PCDHA6: variants seen among roughly 807,000 people sequenced by gnomAD.
PCDHA6 encodes protocadherin alpha 6.
In PCDHA6, 55 loss-of-function variants were observed where a neutral mutation model predicts 60.3. That is an observed-to-expected ratio of 0.91 (90% CI 0.73 to 1.14). The LOEUF (loss-of-function observed/expected upper bound fraction) is 1.14. Among genes scored for constraint, PCDHA6 ranks in the 50% most tolerant of loss-of-function variants. The pLI is 0.00. For missense variants in PCDHA6, 1,327 were observed against 1,256.5 expected, an observed-to-expected ratio of 1.06 and a Z score of -0.85; for synonymous variants, 652 against 557.9, an observed-to-expected ratio of 1.17 and a Z score of -2.38.
Position 140,839,560 on chromosome 5 carries a change from T to C in PCDHA6, c.2394+9075T>C, listed in dbSNP as rs1438393943. On this transcript the variant is annotated intron_variant, in intron 1 of 3. Transcript: ENST00000529310. ...ACACACCACCATGCCCAACTAATTT[T>C]TGTATTTTTTGTAGAGATGGGGTCT... Among the ~76,000 whole-genome samples the C allele has an allele frequency of 2.0e-5, 3 of 151,986 alleles. No individual in the cohort carries two copies. In the East Asian group the frequency reaches 5.8e-4, roughly 29 times the overall value.
chr5:140,972,987 T>C (rs2096567014), intron 1 of PCDHA6, among the ~76,000 whole-genome samples: 1 of 152,044 alleles, frequency 6.6e-6, no homozygotes, highest in Admixed American at 6.6e-5. Flanking sequence ...TAAGGTAGAT[T>C]CTGTGCATTT....
chr5:140,838,087 T>TA (rs1775519591), intron 1 of PCDHA6, among the ~76,000 whole-genome samples: 48 of 97,638 alleles, frequency 4.9e-4, no homozygotes, highest in South Asian at 9.2e-4. Flanking sequence ...AGTGTGTGTG[T>TA]GTGTGTGTGT....
intron 1 of PCDHA6, among the ~76,000 whole-genome samples, chr5:140,937,875 G>GCATGGCGCCCAGGCGC (rs1467494060): frequency 1.3e-5 from 2 of 150,442 alleles, no homozygotes; most frequent in African/African-American, 4.9e-5. Context: ...TCGCGCCACT[G>GCATGGCGCCCAGGCGC]CACTCCAGCC....
chr5:140,998,708 G>A (rs2153953637), intron 3 of PCDHA6, among the ~76,000 whole-genome samples: 1 of 152,142 alleles, frequency 6.6e-6, no homozygotes, highest in South Asian at 2.1e-4. Context: ...GGGATTACAA[G>A]CTTGCACCAC....
intron 1 of PCDHA6, among the ~76,000 whole-genome samples, chr5:140,903,723 A>G (rs1361598477): frequency 6.6e-6 from 1 of 152,210 alleles, no homozygotes; most frequent in Non-Finnish European, 1.5e-5. Flanking sequence ...AATTCTCCCT[A>G]TTATCAATTA....
chr5:141,009,953 A>G lies in PCDHA6; in HGVS notation c.*16A>G, dbSNP rs782663496. 3 of 1,592,888 alleles carry G rather than the reference A, an allele frequency of 1.9e-6. No homozygotes were observed. Among genetic ancestry groups the G allele is most frequent in the Non-Finnish European group, 2.6e-6 (3 of 1,172,546 alleles). On this transcript the variant is annotated 3_prime_UTR_variant, in exon 4 of 4. Transcript: ENST00000529310. ...TGACCAGTGAGGTCCTCAAATGGAA[A>G]CAAGCCACTTAGCCAGTTTTTGTAA...
chr5:140,884,113 G>T (rs782579609), intron 1 of PCDHA6: 15 of 1,613,390 alleles, frequency 9.3e-6, no homozygotes, highest in Admixed American at 3.3e-5. Context: ...AGCTGGCGGC[G>T]GTCGGCGCGC....
chr5:140,856,116 G>A, intron 1 of PCDHA6: 2 of 1,598,152 alleles, frequency 1.3e-6, no homozygotes, highest in African/African-American at 2.7e-5. Context: ...CTCGCAGCCT[G>A]GGAGGTGGGG....
chr5:140,955,701 A>G (rs1381358710), intron 1 of PCDHA6, among the ~76,000 whole-genome samples: 1 of 152,150 alleles, frequency 6.6e-6, no homozygotes, highest in Non-Finnish European at 1.5e-5. Context: ...ATGTCAATGG[A>G]AGTTTAATAG....
intron 3 of PCDHA6, among the ~76,000 whole-genome samples, chr5:140,984,056 G>A (rs569184437): frequency 6.6e-6 from 1 of 152,318 alleles, no homozygotes; most frequent in African/African-American, 2.4e-5. Context: ...TGACAAATCT[G>A]TACCCTCAGT....
chr5:140,877,902 C>T (rs2153356896), intron 1 of PCDHA6: 1 of 1,438,302 alleles, frequency 7.0e-7, no homozygotes, highest in Middle Eastern at 2.3e-4. Flanking sequence ...TAGGTTATAA[C>T]TACATTCTCT....
chr5:140,940,774 G>T (rs1554213602), intron 1 of PCDHA6, among the ~76,000 whole-genome samples: 4 of 151,994 alleles, frequency 2.6e-5, no homozygotes, highest in African/African-American at 7.3e-5. Context: ...GACTTTTGAT[G>T]GTCCATATCC....
rs1554131837 is a variant in PCDHA6 at position 140,829,251 on chromosome 5, G to A, written c.1160G>A (p.Cys387Tyr). 6.2e-7 allele frequency: 1 copy of A among 1,614,150 alleles called. No individual in the cohort carries two copies. Among genetic ancestry groups the A allele is most frequent in the East Asian group, 2.2e-5 (1 of 44,896 alleles). The change falls in exon 1 of 4, where the codon TGC (cysteine) becomes TAC (tyrosine). Residue 387 changes from cysteine to tyrosine, a missense_variant. Physicochemically the swap from Cys to Tyr is radical, Grantham distance 194. Transcript: ENST00000529310. The part of the protein sequence containing the change: ...LDSGANGQVN[C>Y]SLTPHVPFKL... ...TCAGGTGCCAACGGGCAGGTGAACTGCTCGCTGACGCCTCACGTCCCTTTC... is the reference window on the plus strand; with the variant it reads ...TCAGGTGCCAACGGGCAGGTGAACTACTCGCTGACGCCTCACGTCCCTTTC...
intron 1 of PCDHA6, among the ~76,000 whole-genome samples, chr5:140,908,256 A>T (rs192899359): frequency 6.6e-6 from 1 of 152,130 alleles, no homozygotes; most frequent in Non-Finnish European, 1.5e-5. Context: ...AACTGATCAT[A>T]GGGAACTCCC....
chr5:140,877,074 G>A (rs1554169286), intron 1 of PCDHA6: 1 of 1,613,132 alleles, frequency 6.2e-7, no homozygotes, highest in Non-Finnish European at 8.5e-7. Flanking sequence ...TGCAGTTCCA[G>A]GTGAGCGCGC....
At position 140,869,273 on chromosome 5, in the gene PCDHA6, C is replaced by A. The variant is rs782135758; in HGVS notation, c.2394+38788C>A. 1.9e-6 allele frequency: 3 copies of A among 1,613,438 alleles called. No homozygotes were observed. Among genetic ancestry groups the A allele is most frequent in the African/African-American group, 2.7e-5 (2 of 74,920 alleles). On this transcript the variant is annotated intron_variant, in intron 1 of 3. Transcript: ENST00000529310. ...GCGCAGGACCTGGGGCTGGAGCTGG[C>A]GGAGCTGGTGCAGCGCCTGTTCCGG...
intron 3 of PCDHA6, among the ~76,000 whole-genome samples, chr5:140,998,253 T>C (rs1245576621): frequency 6.6e-6 from 1 of 152,232 alleles, no homozygotes; most frequent in Non-Finnish European, 1.5e-5. Context: ...CTCATTTTAC[T>C]GCTAAGAAAA....
chr5:140,986,373 G>A (rs376031401), intron 3 of PCDHA6, among the ~76,000 whole-genome samples: 26 of 152,280 alleles, frequency 1.7e-4, no homozygotes, highest in South Asian at 4.1e-4. Context: ...TGCGTTTTGG[G>A]GGGAGGGACA....
At chr5:140,965,607 T>C (rs2095916367) in intron 1 of PCDHA6, among the ~76,000 whole-genome samples, 1 of 152,088 alleles carries the variant, frequency 6.6e-6, no homozygotes, top group Non-Finnish European at 1.5e-5. Flanking sequence ...CTTGAAGACA[T>C]TGTCATCCAT....
Sources: gnomAD v4.1 joint callset for allele counts (sites outside exome capture counted in the v4.1 genomes callset) on GRCh38, gnomAD v4.1.1 for gene constraint, MANE v1.5 for transcripts, NCBI Gene and HGNC (gene_info 2026-07-23, HGNC 2026-07-21) for gene names.